The following PHACTR3 variants were observed in gnomAD, a reference collection of about 807,000 sequenced individuals.
PHACTR3 encodes phosphatase and actin regulator 3.
A neutral mutation model predicts 66.8 loss-of-function variants in PHACTR3; 16 were observed. That is an observed-to-expected ratio of 0.24 (90% CI 0.16 to 0.36). The LOEUF (loss-of-function observed/expected upper bound fraction) is 0.36, where lower values mean the gene tolerates loss of function less well. Among genes scored for constraint, PHACTR3 ranks in the 10% least tolerant of loss-of-function variants. The pLI, the probability that PHACTR3 is intolerant of heterozygous loss-of-function variation, is 1.00. For synonymous variants in PHACTR3, 323 were observed against 292.1 expected, an observed-to-expected ratio of 1.11 and a Z score of -1.08; for missense variants, 647 against 719.9, an observed-to-expected ratio of 0.90 and a Z score of 1.16.
exon 1 of PHACTR3, chr20:59,577,578 G>A (rs1473932517): frequency 1.7e-6 from 2 of 1,207,702 alleles, no homozygotes; most frequent in Non-Finnish European, 2.1e-6. Flanking sequence ...CGCCTTCGGG[G>A]CCCGGGACGC....
chr20:59,650,334 A>G (rs1002913502), intron 1 of PHACTR3, among the ~76,000 whole-genome samples: 1 of 152,200 alleles, frequency 6.6e-6, no homozygotes, highest in Non-Finnish European at 1.5e-5. Context: ...TATAAGAATA[A>G]ATATATGAAG....
rs757895372 is a variant in PHACTR3, at chr20:59,659,370, C to CTTTT, written c.118+54258_118+54261dup. Among the ~76,000 whole-genome samples the CTTTT allele has an allele frequency of 5.6e-3, 515 of 92,726 alleles. 11 individuals carry two copies. Among genetic ancestry groups the CTTTT allele is most frequent in the East Asian group, 0.023 (60 of 2,628 alleles). The allele number at this position is 92,726 out of a possible 152,430, so 60.8% of individuals were successfully genotyped here. A position where few individuals can be genotyped will look rare whatever the true frequency, so the allele number is the denominator to read the frequency against. On this transcript the variant is annotated intron_variant, in intron 1 of 12. Coordinates refer to ENST00000371015, the MANE Select transcript of PHACTR3 (RefSeq NM_080672.5). ...ACCTGTAGATCAGCTGGGTCTGGGA[C>CTTTT]TTTTTTTTTTTTTTTTTTTTTTTGA...
chr20:59,580,882 G>A (rs1376621874), intron 1 of PHACTR3, among the ~76,000 whole-genome samples: 2 of 152,188 alleles, frequency 1.3e-5, no homozygotes, highest in African/African-American at 2.4e-5. Context: ...AAGCAAAAGG[G>A]CCATCTGTTA....
chr20:59,759,226 C>T (rs932572099), intron 4 of PHACTR3, among the ~76,000 whole-genome samples: 31 of 152,072 alleles, frequency 2.0e-4, no homozygotes, highest in African/African-American at 6.3e-4. Flanking sequence ...GCGCCAGGGA[C>T]CCTGCGCCAG....
At chr20:59,760,189 G>A (rs2039949717) in intron 4 of PHACTR3, among the ~76,000 whole-genome samples, 1 of 152,316 alleles carries the variant, frequency 6.6e-6, no homozygotes, top group East Asian at 1.9e-4. Context: ...GAGTGTGGGT[G>A]TCAGGGGATA....
At chr20:59,827,490 G>A (rs2042226214) in intron 8 of PHACTR3, among the ~76,000 whole-genome samples, 2 of 152,184 alleles carry the variant, frequency 1.3e-5, no homozygotes, top group South Asian at 2.1e-4. Flanking sequence ...ACAGTGCGGT[G>A]TGCAGCTTGC....
intron 8 of PHACTR3, among the ~76,000 whole-genome samples, chr20:59,806,599 C>T (rs2041577806): frequency 6.6e-6 from 1 of 152,200 alleles, no homozygotes; most frequent in African/African-American, 2.4e-5. Context: ...GATCATTTTC[C>T]TGCAAGAAGG....
chr20:59,599,382 C>T (rs1020095831), intron 1 of PHACTR3, among the ~76,000 whole-genome samples: 1 of 152,216 alleles, frequency 6.6e-6, no homozygotes, highest in Non-Finnish European at 1.5e-5. Flanking sequence ...TCAAGGCTCC[C>T]AGGGCCTTAG....
chr20:59,773,252 T>G (rs1368474056), intron 5 of PHACTR3, 27 bp from the exon 6 acceptor site: 2 of 1,603,904 alleles, frequency 1.2e-6, no homozygotes, highest in Non-Finnish European at 1.7e-6. Context: ...AAGACCTATG[T>G]TCTTGCTGCT....
rs186308950 is a variant in PHACTR3, at chr20:59,766,465, A to G, written c.542-721A>G. Among the ~76,000 whole-genome samples the G allele has an allele frequency of 4.9e-3, 742 of 152,312 alleles. 4 individuals are homozygous for G. Among genetic ancestry groups the G allele is most frequent in the African/African-American group, 0.017 (704 of 41,570 alleles). Reference sequence around the variant, plus strand: ...TGGATGATGGAACCCAAGCCAGGCAAAAAGAGAAATAAGAAAGGGAAGGAT... The same window carrying G: ...TGGATGATGGAACCCAAGCCAGGCAGAAAGAGAAATAAGAAAGGGAAGGAT... On this transcript the variant is annotated intron_variant, in intron 4 of 12. Coordinates refer to ENST00000371015, the MANE Select transcript of PHACTR3 (RefSeq NM_080672.5).
intron 1 of PHACTR3, among the ~76,000 whole-genome samples, chr20:59,679,730 C>T (rs1357903442): frequency 2.0e-5 from 3 of 152,156 alleles, no homozygotes; most frequent in Non-Finnish European, 4.4e-5. Context: ...GCATGTCTTA[C>T]GTGGCAGCAG....
chr20:59,628,706 A>G, intron 1 of PHACTR3: 1 of 985,418 alleles, frequency 1.0e-6, no homozygotes, highest in South Asian at 4.7e-5. Flanking sequence ...GCTCTGGAAG[A>G]TTCCCCATAG....
intron 1 of PHACTR3, among the ~76,000 whole-genome samples, chr20:59,702,680 G>A (rs1029731885): frequency 2.0e-5 from 3 of 152,166 alleles, no homozygotes; most frequent in African/African-American, 4.8e-5. Flanking sequence ...ACAGTGCCTG[G>A]GGCCTCACAG....
At chr20:59,698,822 A>G (rs2037391157) in intron 1 of PHACTR3, among the ~76,000 whole-genome samples, 1 of 152,156 alleles carries the variant, frequency 6.6e-6, no homozygotes, top group Admixed American at 6.5e-5. Context: ...CAGGCACACA[A>G]ATAAATCCTC....
intron 1 of PHACTR3, among the ~76,000 whole-genome samples, chr20:59,662,014 A>G (rs756014865): frequency 1.3e-4 from 20 of 152,116 alleles, no homozygotes; most frequent in Admixed American, 7.8e-4. Flanking sequence ...GGTGCTGCAC[A>G]GGAGACCCCA....
chr20:59,594,384 CAA>C (rs1189056663), intron 1 of PHACTR3, among the ~76,000 whole-genome samples: 2 of 151,066 alleles, frequency 1.3e-5, no homozygotes, highest in African/African-American at 2.4e-5. Flanking sequence ...CATTTGTGAA[CAA>C]AGACAGTTTT....
intron 7 of PHACTR3, among the ~76,000 whole-genome samples, chr20:59,785,233 T>C (rs1287106691): frequency 6.6e-6 from 1 of 152,096 alleles, no homozygotes; most frequent in Admixed American, 6.5e-5. Flanking sequence ...CTCTGTGTCT[T>C]TATAGGGCCG....
At chr20:59,792,227 T>C (rs2041125618) in intron 7 of PHACTR3, among the ~76,000 whole-genome samples, 2 of 152,242 alleles carry the variant, frequency 1.3e-5, no homozygotes, top group Non-Finnish European at 2.9e-5. Context: ...CATCTGTTGA[T>C]GGACATATGG....
At chr20:59,723,784 T>C (rs1415155951) in intron 1 of PHACTR3, among the ~76,000 whole-genome samples, 3 of 151,898 alleles carry the variant, frequency 2.0e-5, no homozygotes, top group Non-Finnish European at 4.4e-5. Flanking sequence ...GGTGACTCGG[T>C]CTCTGGGGTG....
Sources: gnomAD v4.1 joint callset for allele counts (sites outside exome capture counted in the v4.1 genomes callset) on GRCh38, gnomAD v4.1.1 for gene constraint, MANE v1.5 for transcripts, NCBI Gene and HGNC (gene_info 2026-07-23, HGNC 2026-07-21) for gene names.